Variants in SEC16A observed in about 807,000 individuals in gnomAD.
SEC16A encodes the protein protein transport protein Sec16A.
In SEC16A, 110 loss-of-function variants were observed where a neutral mutation model predicts 221.9. The observed-to-expected ratio is 0.50, with a 90% CI of 0.42 to 0.58. The LOEUF is 0.58. SEC16A is among the 20% of genes least tolerant of loss of function. SEC16A has a pLI of 0.00. For missense variants in SEC16A, 3,165 were observed against 3,097.8 expected (o/e 1.02, Z -0.52); for synonymous variants, 1,393 against 1,257.7 (o/e 1.11, Z -2.28).
intron 23 of SEC16A, chr9:136,448,875 G>A (rs1040802428): frequency 6.9e-5 from 49 of 705,860 alleles, no homozygotes; most frequent in Middle Eastern, 4.9e-4. Flanking sequence ...GGAACCGGGA[G>A]TTGTTTCGTT....
At chr9:136,445,899 A>G (rs36066734) in intron 28 of SEC16A, among the ~76,000 whole-genome samples, 180 bp from the exon 29 acceptor site, 65,999 of 151,934 alleles carry the variant, frequency 0.43, 14,678 homozygotes, top group Admixed American at 0.53. Flanking sequence ...AACCCTGTTG[A>G]CTCTAGACCC....
chr9:136,481,931 G>C (rs1006447154), intron 1 of SEC16A, among the ~76,000 whole-genome samples: 2 of 152,076 alleles, frequency 1.3e-5, no homozygotes, highest in Non-Finnish European at 2.9e-5. Context: ...TACAGAAGAA[G>C]AAATCACATT....
chr9:136,461,050 G>A (rs1172363272), intron 13 of SEC16A, 127 bp downstream of exon 13: 10 of 718,754 alleles, frequency 1.4e-5, no homozygotes, highest in South Asian at 4.8e-5. Context: ...AAGGAAGCCC[G>A]AGTTCGTGTG....
rs753001512 is a variant in SEC16A at position 136,463,490 on chromosome 9, A to C, written c.4620T>G (p.Phe1540Leu). ...CATTTTGTCTGCATAAGAGAACAAT[A>C]AAATTCCAAAGAAGACTTGCAGACT... Reference protein sequence around the residue: ...DKESASLLWNFIVLLCRQNGT... With the variant: ...DKESASLLWNLIVLLCRQNGT... Residue 1540 changes from phenylalanine (F) to leucine (L), a missense_variant, in exon 11 of 32, where the codon TTT becomes TTG. Physicochemically the swap from Phe to Leu is conservative, Grantham distance 22. This residue lies in a region of SEC16A where 1,088 missense variants were observed against 1,089.6 expected (regional missense o/e 1.00). Coordinates refer to ENST00000684901, the MANE Select transcript of SEC16A (RefSeq NM_014866.2). 5.0e-6 allele frequency: 8 copies of C among 1,613,784 alleles called. No homozygotes were observed. Among genetic ancestry groups the C allele is most frequent in the Non-Finnish European group, 3.4e-6 (4 of 1,179,866 alleles).
At chr9:136,446,452 T>G (rs1170422052) in intron 28 of SEC16A, among the ~76,000 whole-genome samples, 2 of 141,854 alleles carry the variant, frequency 1.4e-5, no homozygotes, top group Non-Finnish European at 3.1e-5. Context: ...TTGTTTTTTG[T>G]TTTTTTTTTT....
chr9:136,459,714 C>T lies in SEC16A; in HGVS notation c.5191+43G>A, dbSNP rs1588935052. On this transcript the variant is annotated intron_variant, in intron 15 of 31. Coordinates refer to ENST00000684901, the MANE Select transcript of SEC16A (RefSeq NM_014866.2). The surrounding 1 kb of genome is among the most constrained non-coding windows in gnomAD (Gnocchi z 6.1). Reference sequence around the variant, plus strand: ...GCCACAGACAACCGGGCCTTCGGCGCTCCATCCGCGACACCCAATGCCCAT... The same window carrying T: ...GCCACAGACAACCGGGCCTTCGGCGTTCCATCCGCGACACCCAATGCCCAT... The T allele has an allele frequency of 1.3e-6, 2 of 1,506,086 alleles. No homozygotes were observed. The highest frequency in any genetic ancestry group is 2.4e-5 in the East Asian group (1 of 41,608). The allele number at this position is 1,506,086 out of a possible 1,614,324, so 93.3% of individuals were successfully genotyped here. A position where few individuals can be genotyped will look rare whatever the true frequency, so the allele number is the denominator to read the frequency against.
chr9:136,448,388 T>A (rs756849459), intron 23 of SEC16A: 1 of 586,138 alleles, frequency 1.7e-6, no homozygotes. Context: ...TGGGGGGCGA[T>A]CCACAGAGAC....
At chr9:136,462,171 T>C (rs999920246) in intron 12 of SEC16A, among the ~76,000 whole-genome samples, 13 of 152,114 alleles carry the variant, frequency 8.5e-5, no homozygotes, top group African/African-American at 9.7e-5. Context: ...TTTATCATGA[T>C]ATAAAAGGAC....
chr9:136,482,133 T>TACCA (rs1193659910), intron 1 of SEC16A, among the ~76,000 whole-genome samples: 1 of 152,212 alleles, frequency 6.6e-6, no homozygotes, highest in African/African-American at 2.4e-5. Flanking sequence ...GTCTACAAGA[T>TACCA]ACCAGCACCT....
At chr9:136,455,271 G>A (rs772501672) in intron 20 of SEC16A, among the ~76,000 whole-genome samples, 1 of 152,152 alleles carries the variant, frequency 6.6e-6, no homozygotes, top group Non-Finnish European at 1.5e-5. Flanking sequence ...AGCCGAGGGC[G>A]CCGCCCAGAC....
Position 136,461,232 on chromosome 9 carries a change from C to G in SEC16A, c.4936G>C (p.Ala1646Pro), listed in dbSNP as rs1209856165. ...TCCATCTTACTTGCAAGTAGCAGAG[C>G]GTGACCCCACAGGCCATTCTTCATT... ...SAMKNGLWGH[A>P]LLLASKMDSR... Residue 1646 changes from alanine (A) to proline (P), a missense_variant, in exon 13 of 32, where the codon GCT (alanine) becomes CCT (proline). Around this residue, in one of 3 missense-constraint regions of SEC16A, gnomAD observed 1,088 missense variants for 1,089.6 expected, o/e 1.00. Transcript: ENST00000684901. 6.2e-7 allele frequency: 1 copy of G among 1,609,148 alleles called. No individual in the cohort carries two copies.
intron 23 of SEC16A, among the ~76,000 whole-genome samples, chr9:136,450,437 T>C (rs1249352503): frequency 6.7e-6 from 1 of 149,936 alleles, no homozygotes; most frequent in East Asian, 2.0e-4. Context: ...GGCCCAGGAG[T>C]TTGAGACCAG....
chr9:136,447,087 AC>A lies in SEC16A; in HGVS notation c.6697+139del. ...CAGAAACAGGCAAATCAAAAAAAAA[AC>A]CACAAACCAACCCCAGGCTCTCTGC... On this transcript the variant is annotated intron_variant, in intron 27 of 31. Transcript: ENST00000684901. This position sits in a 1 kb window ranked among gnomAD's most constrained non-coding sequence, Gnocchi z 5.5. The A allele has an allele frequency of 1.4e-6, 2 of 1,444,902 alleles. No individual in the cohort carries two copies. Among genetic ancestry groups the A allele is most frequent in the Non-Finnish European group, 1.9e-6 (2 of 1,072,812 alleles). 89.5% of individuals were successfully genotyped at this position (1,444,902 alleles called of 1,614,324 possible).
At position 136,447,154 on chromosome 9, in the gene SEC16A, G is replaced by C; in HGVS notation, c.6697+73C>G. ...TTCTTTTAACGGGAGATTTAGGAGA[G>C]ACTCATAGAAAGAGGATCAAAGGTC... On this transcript the variant is annotated intron_variant, in intron 27 of 31. Transcript: ENST00000684901. This position sits in a 1 kb window ranked among gnomAD's most constrained non-coding sequence, Gnocchi z 5.5. The C allele has an allele frequency of 6.5e-7, 1 of 1,540,000 alleles. No homozygotes were observed. The highest frequency in any genetic ancestry group is 8.8e-7 in the Non-Finnish European group (1 of 1,138,450).
chr9:136,448,334 T>C lies in SEC16A; in HGVS notation c.6313-173A>G, dbSNP rs551798368. On this transcript the variant is annotated intron_variant, in intron 23 of 31. Transcript: ENST00000684901. ...CAGATCCACAGAGACACCAGGAGGA[T>C]GGAGGTGGGGAGCAGATCCACAGAG... is the stretch of plus-strand genomic sequence containing the variant. The C allele has an allele frequency of 2.6e-4, 186 of 703,462 alleles. 2 individuals carry two copies. In the African/African-American group the frequency reaches 3.5e-3, roughly 13 times the overall value. 43.6% of individuals were successfully genotyped at this position (703,462 alleles called of 1,614,324 possible). A position where few individuals can be genotyped will look rare whatever the true frequency, so the allele number is the denominator to read the frequency against.
chr9:136,459,524 G>C lies in SEC16A; in HGVS notation c.5223C>G (p.Phe1741Leu), dbSNP rs765062864. The C allele has an allele frequency of 1.2e-6, 2 of 1,604,786 alleles. No individual in the cohort carries two copies. The highest frequency in any genetic ancestry group is 1.1e-5 in the South Asian group (1 of 89,380). ...ATCCCGCCTGGGCCATGAGGTAGCA[G>C]AAGTGGGCCGCATCCAAGAGGCCCC... is the stretch of plus-strand genomic sequence containing the variant. ...ASRGLLDAAH[F>L]CYLMAQAGFG... is the part of the protein sequence containing the mutation. Residue 1741 changes from phenylalanine to leucine, a missense_variant, in exon 16 of 32, where the codon TTC (phenylalanine) becomes TTG (leucine). Physicochemically the swap from Phe to Leu is conservative, Grantham distance 22. Transcript: ENST00000684901. This position sits in a 1 kb window ranked among gnomAD's most constrained non-coding sequence, Gnocchi z 6.1.
intron 22 of SEC16A, among the ~76,000 whole-genome samples, chr9:136,451,629 C>CTT (rs1301107510): frequency 8.5e-5 from 13 of 152,320 alleles, no homozygotes; most frequent in African/African-American, 3.1e-4. Context: ...GCCAGCCGCA[C>CTT]TTAATAAGCA....
At chr9:136,458,494 C>G (rs10870065) in intron 17 of SEC16A, among the ~76,000 whole-genome samples, 65,591 of 151,512 alleles carry the variant, frequency 0.43, 14,506 homozygotes, top group Admixed American at 0.53. Flanking sequence ...CGGGCGTGGT[C>G]GTGGGTGCCT....
chr9:136,449,591 C>A (rs937070858), intron 23 of SEC16A, among the ~76,000 whole-genome samples: 1 of 151,870 alleles, frequency 6.6e-6, no homozygotes, highest in Admixed American at 6.6e-5. Flanking sequence ...TGCGCCCGGC[C>A]TCCCAGAGTG....
Sources: allele counts gnomAD v4.1 joint callset (sites outside exome capture counted in the v4.1 genomes callset), GRCh38; gene constraint gnomAD v4.1.1; regional missense constraint gnomAD v4.1.1; non-coding constraint Gnocchi (gnomAD v3.1); transcripts MANE v1.5; gene names NCBI Gene and HGNC (gene_info 2026-07-23, HGNC 2026-07-21).